FAT2: variants seen among roughly 807,000 people sequenced by gnomAD.
FAT2 encodes the protein FAT atypical cadherin 2.
FAT2 carries 150 observed loss-of-function variants against 295.3 expected under a neutral mutation model. The ratio of observed to expected loss-of-function variants is 0.51; its 90% CI spans 0.44 to 0.58. FAT2 has a LOEUF of 0.58. FAT2 is among the 20% of genes least tolerant of loss of function. The pLI, the probability that FAT2 is intolerant of heterozygous loss-of-function variation, is 0.00. For synonymous variants in FAT2, 2,026 were observed against 2,150.3 expected (o/e 0.94, Z 1.60); for missense variants, 4,868 against 5,442.7 (o/e 0.89, Z 3.32).
intron 10 of FAT2, among the ~76,000 whole-genome samples, chr5:151,541,260 G>C (rs987264372): frequency 1.3e-5 from 2 of 152,194 alleles, no homozygotes; most frequent in Non-Finnish European, 2.9e-5. Context: ...TCACTGACAA[G>C]AATGTGGGAA....
intron 19 of FAT2, among the ~76,000 whole-genome samples, chr5:151,518,372 ATAAT>A (rs1391376189): frequency 6.7e-6 from 1 of 148,730 alleles, no homozygotes; most frequent in Non-Finnish European, 1.5e-5. Context: ...AATAATAATA[ATAAT>A]TTTTAAAAGA....
At chr5:151,574,014 C>T (rs1758645468) in intron 1 of FAT2, among the ~76,000 whole-genome samples, 1 of 152,196 alleles carries the variant, frequency 6.6e-6, no homozygotes, top group Non-Finnish European at 1.5e-5. Context: ...TCCCTTCCAA[C>T]TCATACGGGC....
chr5:151,579,260 T>C (rs1758853942), intron 1 of FAT2, among the ~76,000 whole-genome samples: 1 of 152,106 alleles, frequency 6.6e-6, no homozygotes, highest in Non-Finnish European at 1.5e-5. Flanking sequence ...CATTTGAAAT[T>C]TTGTCATCAC....
At chr5:151,511,702 G>A (rs1315750863) in intron 21 of FAT2, 1 of 165,290 alleles carries the variant, frequency 6.0e-6, no homozygotes, top group African/African-American at 2.4e-5. Context: ...CTGAGCGAAA[G>A]CGTAAACAAC....
rs199833558 is a variant in FAT2, at chr5:151,528,108, G to A, written c.10052C>T (p.Pro3351Leu). 6 of 1,614,094 alleles carry A rather than the reference G, an allele frequency of 3.7e-6. No homozygotes were observed. In the African/African-American group the frequency reaches 5.3e-5, roughly 14 times the overall value. ...LTVSATDEDGPLNSDITYSLI... is the reference protein window; with the variant it reads ...LTVSATDEDGLLNSDITYSLI... Reference sequence around the variant, plus strand: ...GCTATAGGTAATGTCACTATTTAGGGGTCCATCTTCATCAGTCGCTGATAC... The same window carrying A: ...GCTATAGGTAATGTCACTATTTAGGAGTCCATCTTCATCAGTCGCTGATAC... The change falls in exon 16 of 24, where the codon CCC (proline) becomes CTC (leucine). Residue 3351 changes from proline to leucine, a missense_variant. Pro to Leu is a moderately conservative substitution (Grantham distance 98). Transcript: ENST00000261800.
rs1581427761 is a variant in FAT2, at chr5:151,554,581, G to A, written c.3726C>T (p.Phe1242=). ...GGCGGACATTGAAGAGCTTGTGGGA[G>A]AATATAGGTGGATTGTCATTGACGT... ...ILDVNDNPPI[F]SHKLFNVRLP... The change falls in exon 5 of 24, where the codon TTC becomes TTT. Residue 1242 remains phenylalanine (F), a synonymous_variant. Coordinates refer to ENST00000261800, the MANE Select transcript of FAT2 (RefSeq NM_001447.3). 1 of 1,614,080 alleles carries A rather than the reference G, an allele frequency of 6.2e-7. No homozygotes were observed. The highest frequency in any genetic ancestry group is 8.5e-7 in the Non-Finnish European group (1 of 1,180,022).
intron 2 of FAT2, 87 bp from the exon 3 acceptor site, chr5:151,563,726 C>T: frequency 1.9e-6 from 2 of 1,075,118 alleles, no homozygotes; most frequent in Non-Finnish European, 2.8e-6. Context: ...CCCCAAACCG[C>T]ACTGTGGAAA....
At chr5:151,593,008 G>A (rs1425483780), upstream of FAT2, among the ~76,000 whole-genome samples, 1 of 152,228 alleles carries the variant, frequency 6.6e-6, no homozygotes, top group East Asian at 1.9e-4. Context: ...CTGCTATGGT[G>A]TGTTGCTCAA....
intron 12 of FAT2, among the ~76,000 whole-genome samples, chr5:151,536,344 C>G (rs1755282095): frequency 6.6e-6 from 1 of 152,184 alleles, no homozygotes; most frequent in Admixed American, 6.5e-5. Flanking sequence ...TTAGGAAGGA[C>G]AGCATTGTCC....
At chr5:151,589,099 A>G (rs1759296749) in intron 1 of FAT2, among the ~76,000 whole-genome samples, 1 of 152,234 alleles carries the variant, frequency 6.6e-6, no homozygotes, top group East Asian at 1.9e-4. Context: ...GAGCTAGCTC[A>G]GTTTGCATTC....
intron 19 of FAT2, among the ~76,000 whole-genome samples, chr5:151,518,312 C>A (rs927866235): frequency 6.6e-6 from 1 of 150,464 alleles, no homozygotes; most frequent in East Asian, 2.0e-4. Flanking sequence ...TCTTGCCACT[C>A]TATTCCAGCC....
chr5:151,593,133 C>G (rs1485459263), upstream of FAT2, among the ~76,000 whole-genome samples: 1 of 152,196 alleles, frequency 6.6e-6, no homozygotes, highest in Non-Finnish European at 1.5e-5. Context: ...CTACTGTGAT[C>G]GACTCCCAGG....
Position 151,545,478 on chromosome 5 carries a change from C to A in FAT2, c.5649G>T (p.Gly1883=). ...GAAGCTCCATGCCTGGATGGATAGG[C>A]CCGACTATTGCTACCTCATATATCT... ...SEQIYEVAIV[G]PIHPGMELLM... is the part of the protein sequence containing the mutation. Residue 1883 remains glycine (G), a synonymous_variant, in exon 10 of 24, where the codon GGG becomes GGT. Transcript: ENST00000261800. 6.2e-7 allele frequency: 1 copy of A among 1,614,148 alleles called. No homozygotes were observed. Among genetic ancestry groups the A allele is most frequent in the Non-Finnish European group, 8.5e-7 (1 of 1,180,018 alleles).
upstream of FAT2, among the ~76,000 whole-genome samples, chr5:151,592,999 T>C (rs1266037163): frequency 6.6e-6 from 1 of 152,224 alleles, no homozygotes; most frequent in Non-Finnish European, 1.5e-5. Flanking sequence ...TCAAGCAGGC[T>C]GCTATGGTGT....
intron 20 of FAT2, among the ~76,000 whole-genome samples, chr5:151,513,734 C>T (rs571139054): frequency 1.3e-5 from 2 of 151,844 alleles, no homozygotes; most frequent in East Asian, 1.9e-4. Flanking sequence ...TATGTACCCC[C>T]GAAACTAAAC....
intron 2 of FAT2, among the ~76,000 whole-genome samples, chr5:151,564,464 G>A (rs1178534163): frequency 6.6e-6 from 1 of 152,194 alleles, no homozygotes; most frequent in Non-Finnish European, 1.5e-5. Context: ...TCAGTGGCTG[G>A]CATTAAGAGA....
chr5:151,527,906 G>T, intron 16 of FAT2, 90 bp downstream of exon 16: 4 of 1,511,734 alleles, frequency 2.6e-6, no homozygotes, highest in Admixed American at 1.8e-5. Flanking sequence ...TTCAGGATGG[G>T]GTCTTGACAG....
At chr5:151,581,675 C>T (rs1758960951) in intron 1 of FAT2, among the ~76,000 whole-genome samples, 1 of 152,216 alleles carries the variant, frequency 6.6e-6, no homozygotes, top group South Asian at 2.1e-4. Flanking sequence ...ATAACTGAGA[C>T]TCAGAGAGGT....
chr5:151,588,897 G>A (rs76331696), intron 1 of FAT2, among the ~76,000 whole-genome samples: 2,938 of 152,230 alleles, frequency 0.019, 42 homozygotes, highest in Non-Finnish European at 0.03. Flanking sequence ...ATTCTCTGAA[G>A]AAAGAACTAT....
Sources: gnomAD v4.1 joint callset for allele counts (sites outside exome capture counted in the v4.1 genomes callset) on GRCh38, gnomAD v4.1.1 for gene constraint, MANE v1.5 for transcripts, NCBI Gene and HGNC (gene_info 2026-07-23, HGNC 2026-07-21) for gene names.